The following OSBPL9 variants were observed in gnomAD, a reference collection of about 807,000 sequenced individuals.
The protein encoded by OSBPL9 is oxysterol binding protein like 9, also known as oxysterol-binding protein-related protein 9.
In OSBPL9, 40 loss-of-function variants were observed where a neutral mutation model predicts 106.6. The ratio of observed to expected loss-of-function variants is 0.38; its 90% confidence interval spans 0.29 to 0.49. The LOEUF (loss-of-function observed/expected upper bound fraction) is 0.49. OSBPL9 is among the 20% of genes least tolerant of loss of function. The probability of loss-of-function intolerance (pLI) is 0.97; values close to 1 mark genes in which losing one functional copy is unlikely to be tolerated. For synonymous variants in OSBPL9, 269 were observed against 295.4 expected, an observed-to-expected ratio of 0.91 and a Z score of 0.92; for missense variants, 609 against 887.2, an observed-to-expected ratio of 0.69 and a Z score of 3.98.
chr1:51,733,924 G>T (rs1665061985), intron 4 of OSBPL9, among the ~76,000 whole-genome samples: 1 of 152,144 alleles, frequency 6.6e-6, no homozygotes, highest in Admixed American at 6.5e-5. Flanking sequence ...ATAGGAAAAA[G>T]CATGTAGGCT....
At chr1:51,767,936 C>CTTTTTTTTTTTTTTTTTTTTTTT (rs869092922) in intron 12 of OSBPL9, among the ~76,000 whole-genome samples, 1 of 65,016 alleles carries the variant, frequency 1.5e-5, no homozygotes, top group African/African-American at 6.0e-5. Flanking sequence ...TAAAGACCGT[C>CTTTTTTTTTTTTTTTTTTTTTTT]TTTTTTTTTT....
intron 2 of OSBPL9, among the ~76,000 whole-genome samples, chr1:51,655,801 G>A (rs1056612831): frequency 1.8e-4 from 28 of 152,270 alleles, no homozygotes; most frequent in African/African-American, 6.3e-4. Flanking sequence ...CTTCTTTAAG[G>A]TGGAGATAAT....
intron 2 of OSBPL9, among the ~76,000 whole-genome samples, chr1:51,653,241 T>C (rs1646630034): frequency 6.6e-6 from 1 of 152,146 alleles, no homozygotes; most frequent in Non-Finnish European, 1.5e-5. Flanking sequence ...TTTTGTCTGT[T>C]TGGTGTAATT....
chr1:51,575,759 C>T (rs1645180162), upstream of OSBPL9, among the ~76,000 whole-genome samples: 1 of 152,162 alleles, frequency 6.6e-6, no homozygotes, highest in Non-Finnish European at 1.5e-5. Flanking sequence ...ACAGCAAGTG[C>T]AAGAAGATCA....
intron 1 of OSBPL9, 149 bp downstream of exon 1, chr1:51,617,370 C>A (rs995245543): frequency 9.1e-6 from 7 of 765,954 alleles, no homozygotes; most frequent in Admixed American, 5.9e-5. Flanking sequence ...GAGGGTTTTA[C>A]GTCTCGGATA....
chr1:51,727,104 G>C (rs1663251404), intron 4 of OSBPL9, among the ~76,000 whole-genome samples: 1 of 148,644 alleles, frequency 6.7e-6, no homozygotes, highest in African/African-American at 2.5e-5. Context: ...AAACAGTACA[G>C]TGCATGGGCA....
At chr1:51,533,522 G>GA in the OSBPL9 span, among the ~76,000 whole-genome samples, 5,850 of 146,866 alleles carry the variant, frequency 0.04, 163 homozygotes, top group East Asian at 0.13. Flanking sequence ...AGAAAGAAAA[G>GA]AAAAAAAAAG....
chr1:51,634,863 AAG>A (rs1191141608), intron 1 of OSBPL9, among the ~76,000 whole-genome samples: 3 of 152,332 alleles, frequency 2.0e-5, no homozygotes, highest in South Asian at 2.1e-4. Flanking sequence ...GGGGCAGGCA[AAG>A]AGAGAATAAG....
the OSBPL9 span, among the ~76,000 whole-genome samples, chr1:51,534,940 T>G: frequency 6.6e-6 from 1 of 152,232 alleles, no homozygotes; most frequent in Non-Finnish European, 1.5e-5. Context: ...TCAGTTATTC[T>G]TTATTAAACT....
intron 2 of OSBPL9, among the ~76,000 whole-genome samples, chr1:51,660,113 A>T (rs1647046310): frequency 6.6e-6 from 1 of 152,146 alleles, no homozygotes; most frequent in Admixed American, 6.5e-5. Context: ...ATGAAACTGG[A>T]TCAATTGGGT....
chr1:51,760,877 T>G, intron 10 of OSBPL9, 97 bp downstream of exon 10: 1 of 1,330,358 alleles, frequency 7.5e-7, no homozygotes, highest in Admixed American at 2.4e-5. Context: ...ATTTTTGATT[T>G]TCCTTGTTTT....
chr1:51,739,765 G>A (rs11810827), intron 4 of OSBPL9, among the ~76,000 whole-genome samples: 18,712 of 151,840 alleles, frequency 0.12, 1,267 homozygotes, highest in Middle Eastern at 0.22. Flanking sequence ...GATAAACCAC[G>A]GGGACAGTAG....
chr1:51,742,045 G>A (rs1360835452), intron 4 of OSBPL9, among the ~76,000 whole-genome samples: 2 of 152,084 alleles, frequency 1.3e-5, no homozygotes, highest in East Asian at 1.9e-4. Flanking sequence ...GAGAAATCTC[G>A]GGAGAGGAGG....
At chr1:51,564,961 C>A in the OSBPL9 span, among the ~76,000 whole-genome samples, 1 of 152,182 alleles carries the variant, frequency 6.6e-6, no homozygotes, top group Non-Finnish European at 1.5e-5. Context: ...TGGCAGCAAC[C>A]CAGCCCCTTA....
chr1:51,535,574 C>A, the OSBPL9 span, among the ~76,000 whole-genome samples: 1 of 151,312 alleles, frequency 6.6e-6, no homozygotes, highest in African/African-American at 2.4e-5. Flanking sequence ...TTTTTAAAAA[C>A]AAAATAATAA....
chr1:51,624,642 C>T (rs938153071), intron 1 of OSBPL9, among the ~76,000 whole-genome samples: 7 of 151,916 alleles, frequency 4.6e-5, no homozygotes. Flanking sequence ...CCTGAAAAGA[C>T]ATAAAGAAAC....
intron 23 of OSBPL9, 80 bp downstream of exon 23, chr1:51,787,568 A>AG: frequency 6.2e-7 from 1 of 1,605,824 alleles, no homozygotes; most frequent in Middle Eastern, 1.7e-4. Context: ...GATGTGCCAA[A>AG]CACTGTTTAT....
At chr1:51,596,601 GA>G (rs1374844943) in intron 1 of OSBPL9, among the ~76,000 whole-genome samples, 6 of 148,906 alleles carry the variant, frequency 4.0e-5, no homozygotes, top group Non-Finnish European at 8.9e-5. Context: ...CCAACATGGT[GA>G]AACCCCATCC....
In OSBPL9 at chr1:51,741,340, C is replaced by T. The variant is rs186153815; in HGVS notation, c.319-4196C>T. ...TAGAAGTATGTGTTATTCTTCTTGA[C>T]TTTATGTATCTACTTTAGATTTTGC... On this transcript the variant is annotated intron_variant, in intron 4 of 23. Coordinates refer to ENST00000428468, the MANE Select transcript of OSBPL9 (RefSeq NM_024586.6). Among the ~76,000 whole-genome samples, 159 of 152,054 alleles carry T rather than the reference C, an allele frequency of 1.0e-3. 2 individuals are homozygous for T. Among genetic ancestry groups the T allele is most frequent in the East Asian group, 6.8e-3 (35 of 5,176 alleles).
Sources: gnomAD v4.1 joint callset for allele counts (sites outside exome capture counted in the v4.1 genomes callset) on GRCh38, gnomAD v4.1.1 for gene constraint, MANE v1.5 for transcripts, NCBI Gene and HGNC (gene_info 2026-07-23, HGNC 2026-07-21) for gene names.